Variants in PXK observed in about 807,000 individuals in gnomAD.
PXK encodes the protein PX domain-containing protein kinase-like protein.
Under a neutral mutation model 84.7 loss-of-function variants are expected in PXK, and 35 were observed. That is an observed-to-expected ratio of 0.41 (90% confidence interval 0.32 to 0.55). The LOEUF (loss-of-function observed/expected upper bound fraction) is 0.55. Among genes scored for constraint, PXK ranks in the 20% least tolerant of loss-of-function variants. The probability of loss-of-function intolerance (pLI) is 0.21; values close to 1 mark genes in which losing one functional copy is unlikely to be tolerated. For synonymous variants in PXK, 253 were observed against 260.8 expected (o/e 0.97, Z 0.29); for missense variants, 634 against 699.7 (o/e 0.91, Z 1.06).
rs1225546864 is a variant in PXK, at chr3:58,399,105, T to C, written c.1103-194T>C. 6.6e-6 allele frequency among the ~76,000 whole-genome samples: 1 copy of C among 152,216 alleles called. No homozygotes were observed. The highest frequency in any genetic ancestry group is 1.5e-5 in the Non-Finnish European group (1 of 68,036). Reference sequence around the variant, plus strand: ...GCATGTAGTTTCTAAACCATTTCTTTTGAGTCATCGGTAACGCCAGTGTTG... The same window carrying C: ...GCATGTAGTTTCTAAACCATTTCTTCTGAGTCATCGGTAACGCCAGTGTTG... On this transcript the variant is annotated intron_variant, in intron 11 of 17. Transcript: ENST00000356151. This position sits in a 1 kb window ranked among gnomAD's most constrained non-coding sequence, Gnocchi z 4.3.
intron 2 of PXK, among the ~76,000 whole-genome samples, chr3:58,368,545 C>T (rs57624642): frequency 0.14 from 20,806 of 152,066 alleles, 2,271 homozygotes; most frequent in African/African-American, 0.3. Context: ...TGGTCTCGAA[C>T]TCCTGGCCTC....
intron 3 of PXK, 31 bp downstream of exon 3, chr3:58,369,509 T>C (rs2098331117): frequency 1.3e-6 from 2 of 1,568,924 alleles, no homozygotes; most frequent in Non-Finnish European, 1.8e-6. Flanking sequence ...ATTACACACA[T>C]TGATTACTTG....
rs538887102 is a variant in PXK at position 58,383,097 on chromosome 3, G to A, written c.388+397G>A. On this transcript the variant is annotated intron_variant, in intron 4 of 17. Transcript: ENST00000356151. This position sits in a 1 kb window ranked among gnomAD's most constrained non-coding sequence, Gnocchi z 4.0. ...ACCTGAGGTCAGGAGTTTGAGTCCAGCCTGGCCAACATGGTGAAACCCTGT... is the reference window on the plus strand; with the variant it reads ...ACCTGAGGTCAGGAGTTTGAGTCCAACCTGGCCAACATGGTGAAACCCTGT... 8.5e-5 allele frequency among the ~76,000 whole-genome samples: 13 copies of A among 152,316 alleles called. No individual in the cohort carries two copies. Among genetic ancestry groups the A allele is most frequent in the Admixed American group, 7.2e-4 (11 of 15,300 alleles).
chr3:58,355,592 C>T (rs980017150), intron 1 of PXK, among the ~76,000 whole-genome samples: 1 of 152,256 alleles, frequency 6.6e-6, no homozygotes, highest in African/African-American at 2.4e-5. Flanking sequence ...TGAGTACCTA[C>T]TACTGTGCAG....
intron 3 of PXK, among the ~76,000 whole-genome samples, chr3:58,369,816 C>T (rs2098337308): frequency 7.1e-6 from 1 of 140,942 alleles, no homozygotes; most frequent in Non-Finnish European, 1.5e-5. Flanking sequence ...AAGAGTGAAA[C>T]TCTGTCTCAA....
chr3:58,378,366 T>C (rs922252921), intron 3 of PXK, among the ~76,000 whole-genome samples: 1 of 152,078 alleles, frequency 6.6e-6, no homozygotes, highest in Non-Finnish European at 1.5e-5. Flanking sequence ...ACCCAGAGGT[T>C]CCAGTCAACT....
rs2061777911 is a variant in PXK at position 58,421,169 on chromosome 3, T to G, written c.1529-3583T>G. On this transcript the variant is annotated intron_variant, in intron 17 of 17. Transcript: ENST00000356151. This position sits in a 1 kb window ranked among gnomAD's most constrained non-coding sequence, Gnocchi z 5.5. ...TGAGGGTGGCTGGTAAGTCTGGTGTTACCCTAGTGTGGTCTCATGGCCACT... is the reference window on the plus strand; with the variant it reads ...TGAGGGTGGCTGGTAAGTCTGGTGTGACCCTAGTGTGGTCTCATGGCCACT... The G allele has an allele frequency of 1.4e-5, 14 of 985,286 alleles. No homozygotes were observed. Among genetic ancestry groups the G allele is most frequent in the Non-Finnish European group, 1.7e-5 (14 of 829,932 alleles). 61.0% of individuals were successfully genotyped at this position (985,286 alleles called of 1,614,324 possible). A position where few individuals can be genotyped will look rare whatever the true frequency, so the allele number is the denominator to read the frequency against.
In PXK at chr3:58,333,685, C is replaced by T. The variant is rs1221394511; in HGVS notation, c.102+595C>T. On this transcript the variant is annotated intron_variant, in intron 1 of 17. Coordinates refer to ENST00000356151, the MANE Select transcript of PXK (RefSeq NM_017771.5). The surrounding 1 kb of genome is among the most constrained non-coding windows in gnomAD (Gnocchi z 5.4). ...GGGCGGCAGTCGGGGCGCTGTTAAG[C>T]AGGTGTATGAATGTGCTTCTCTAAC... 1 of 455,864 alleles carries T rather than the reference C, an allele frequency of 2.2e-6. No individual in the cohort carries two copies. Among genetic ancestry groups the T allele is most frequent in the African/African-American group, 2.0e-5 (1 of 50,048 alleles). The allele number at this position is 455,864 out of a possible 1,614,324, so 28.2% of individuals were successfully genotyped here.
Position 58,407,399 on chromosome 3 carries a change from T to A in PXK, c.1231-1525T>A, listed in dbSNP as rs985225960. Among the ~76,000 whole-genome samples, 2 of 152,188 alleles carry A rather than the reference T, an allele frequency of 1.3e-5. No homozygotes were observed. The highest frequency in any genetic ancestry group is 2.9e-5 in the Non-Finnish European group (2 of 68,030). On this transcript the variant is annotated intron_variant, in intron 13 of 17. Coordinates refer to ENST00000356151, the MANE Select transcript of PXK (RefSeq NM_017771.5). This position sits in a 1 kb window ranked among gnomAD's most constrained non-coding sequence, Gnocchi z 4.3. ...TTTTGCCTCTTTTTAATTGGGTTAC[T>A]TATATTTTGTTGTTGAGTTGTTGGA...
At chr3:58,423,051 G>A in intron 17 of PXK, 1 of 985,356 alleles carries the variant, frequency 1.0e-6, no homozygotes, top group Non-Finnish European at 1.2e-6. Context: ...CCCCAAGTGG[G>A]CAGAGCTCAC....
intron 13 of PXK, among the ~76,000 whole-genome samples, chr3:58,406,274 TA>T (rs2059394235): frequency 7.0e-6 from 1 of 142,714 alleles, no homozygotes; most frequent in Admixed American, 7.2e-5. Context: ...TTTTAATTTT[TA>T]ATTTTAATTT....
intron 3 of PXK, among the ~76,000 whole-genome samples, chr3:58,371,526 C>T (rs2098371228): frequency 1.3e-5 from 2 of 152,194 alleles, no homozygotes; most frequent in South Asian, 4.1e-4. Context: ...TGTACAATGT[C>T]ATTCAGCCAG....
At chr3:58,391,026 G>T (rs1053856660) in intron 5 of PXK, 121 bp from the exon 6 acceptor site, 3 of 679,898 alleles carry the variant, frequency 4.4e-6, no homozygotes, top group African/African-American at 1.8e-5. Flanking sequence ...TCTTTTACTT[G>T]TGCCTATGTA....
chr3:58,333,066 G>T lies in PXK; in HGVS notation c.78G>T (p.Ala26=). 1 of 1,328,526 alleles carries T rather than the reference G, an allele frequency of 7.5e-7. No homozygotes were observed. Among genetic ancestry groups the T allele is most frequent in the Non-Finnish European group, 9.8e-7 (1 of 1,024,592 alleles). 82.3% of individuals were successfully genotyped at this position (1,328,526 alleles called of 1,614,324 possible). ...TGCCGCTGACAGCAGCCATCGAGGCGAGCCAGAGCCTGCAGTCCCACACGG... is the reference window on the plus strand; with the variant it reads ...TGCCGCTGACAGCAGCCATCGAGGCTAGCCAGAGCCTGCAGTCCCACACGG... ...DTVPLTAAIE[A]SQSLQSHTEY... The change falls in exon 1 of 18, where the codon GCG becomes GCT. Residue 26 remains alanine, a synonymous_variant. Coordinates refer to ENST00000356151, the MANE Select transcript of PXK (RefSeq NM_017771.5). This position sits in a 1 kb window ranked among gnomAD's most constrained non-coding sequence, Gnocchi z 5.4.
chr3:58,362,065 A>C (rs530621488), intron 1 of PXK, among the ~76,000 whole-genome samples: 2 of 152,216 alleles, frequency 1.3e-5, no homozygotes, highest in East Asian at 3.9e-4. Flanking sequence ...CTTAATTTGC[A>C]TTTCCCTGAG....
At position 58,333,455 on chromosome 3, in the gene PXK, TC is replaced by T; in HGVS notation, c.102+366del. ...ACGAGACCGCTCAGGACCATCCACT[TC>T]TGCCCGCCGCCAGCCTTTTCCTTTT... On this transcript the variant is annotated intron_variant, in intron 1 of 17. Coordinates refer to ENST00000356151, the MANE Select transcript of PXK (RefSeq NM_017771.5). The surrounding 1 kb of genome is among the most constrained non-coding windows in gnomAD (Gnocchi z 5.4). 1 of 444,666 alleles carries T rather than the reference TC, an allele frequency of 2.2e-6. No homozygotes were observed. The highest frequency in any genetic ancestry group is 1.6e-5 in the South Asian group (1 of 62,462). 27.5% of individuals were successfully genotyped at this position (444,666 alleles called of 1,614,324 possible).
chr3:58,378,518 G>T (rs1266612397), intron 3 of PXK, among the ~76,000 whole-genome samples: 221 of 25,108 alleles, frequency 8.8e-3, no homozygotes, highest in Admixed American at 0.016. Flanking sequence ...TTTTTTGTGT[G>T]TGTGTGTGTG....
intron 1 of PXK, among the ~76,000 whole-genome samples, chr3:58,348,007 G>A (rs536377179): frequency 2.6e-5 from 4 of 152,178 alleles, no homozygotes; most frequent in Admixed American, 6.5e-5. Flanking sequence ...TTCACCTCCC[G>A]GGTTCAAGTG....
chr3:58,352,267 C>A (rs2097946215), intron 1 of PXK, among the ~76,000 whole-genome samples: 1 of 152,162 alleles, frequency 6.6e-6, no homozygotes, highest in African/African-American at 2.4e-5. Flanking sequence ...GTAGAGGAGA[C>A]ATGGCCCAGG....
Sources: allele counts gnomAD v4.1 joint callset (sites outside exome capture counted in the v4.1 genomes callset), GRCh38; gene constraint gnomAD v4.1.1; non-coding constraint Gnocchi (gnomAD v3.1); transcripts MANE v1.5; gene names NCBI Gene and HGNC (gene_info 2026-07-23, HGNC 2026-07-21).